The following ZC3H8 variants were observed in gnomAD, a reference collection of about 807,000 sequenced individuals.
ZC3H8 encodes the protein zinc finger CCCH-type containing 8.
ZC3H8 carries 27 observed loss-of-function variants against 42.5 expected under a neutral mutation model. That is an observed-to-expected ratio of 0.64 (90% CI 0.47 to 0.88). ZC3H8 has a LOEUF of 0.88. Among genes scored for constraint, ZC3H8 ranks in the 40% least tolerant of loss-of-function variants. ZC3H8 has a pLI of 0.00. For missense variants in ZC3H8, 277 were observed against 336.1 expected (o/e 0.82, Z 1.37); for synonymous variants, 101 against 110.1 (o/e 0.92, Z 0.52).
At chr2:112,218,515 A>C (rs961830436) in intron 8 of ZC3H8, among the ~76,000 whole-genome samples, 1 of 152,246 alleles carries the variant, frequency 6.6e-6, no homozygotes, top group Non-Finnish European at 1.5e-5. Context: ...AACAATGAAC[A>C]GTCTAAAAAG....
At position 112,236,700 on chromosome 2, in the gene ZC3H8, A is replaced by G; in HGVS notation, c.371-5T>C. On this transcript the variant is annotated splice_region_variant and splice_polypyrimidine_tract_variant and intron_variant, in intron 3 of 8. Coordinates refer to ENST00000409573, the MANE Select transcript of ZC3H8 (RefSeq NM_032494.3). ...TTTTATTTTTTTGTTTAGCAGCTAA[A>G]AACAAAAAATTAATTTAAAAAATGA... The G allele has an allele frequency of 6.3e-7, 1 of 1,599,158 alleles. No individual in the cohort carries two copies. Among genetic ancestry groups the G allele is most frequent in the Admixed American group, 1.8e-5 (1 of 57,044 alleles).
intron 2 of ZC3H8, among the ~76,000 whole-genome samples, chr2:112,248,169 TACA>T (rs1685820764): frequency 6.6e-6 from 1 of 151,964 alleles, no homozygotes; most frequent in African/African-American, 2.4e-5. Context: ...CTGCTAAAAA[TACA>T]ACAATTAGCC....
chr2:112,221,157 T>C (rs1684567107), intron 8 of ZC3H8, among the ~76,000 whole-genome samples: 1 of 152,240 alleles, frequency 6.6e-6, no homozygotes, highest in Non-Finnish European at 1.5e-5. Flanking sequence ...CAGTCTTTGA[T>C]ATGGTTTGAA....
In ZC3H8 at chr2:112,250,282, A is replaced by T. The variant is rs1685902122; in HGVS notation, c.75-10T>A. 2 of 1,538,852 alleles carry T rather than the reference A, an allele frequency of 1.3e-6. No homozygotes were observed. Among genetic ancestry groups the T allele is most frequent in the Non-Finnish European group, 1.8e-6 (2 of 1,140,018 alleles). On this transcript the variant is annotated splice_polypyrimidine_tract_variant and intron_variant, in intron 1 of 8. Coordinates refer to ENST00000409573, the MANE Select transcript of ZC3H8 (RefSeq NM_032494.3). ...TATTTCATCATCGATTCTGTAGCAA[A>T]AATATCAAATAACACAAAAGAGTTT...
intron 8 of ZC3H8, among the ~76,000 whole-genome samples, chr2:112,228,145 T>C (rs915440657): frequency 1.3e-5 from 2 of 152,194 alleles, no homozygotes; most frequent in Admixed American, 6.5e-5. Context: ...CATACATTTA[T>C]AGTCAGCTGA....
At chr2:112,247,960 T>C (rs981570630) in intron 2 of ZC3H8, among the ~76,000 whole-genome samples, 3 of 152,250 alleles carry the variant, frequency 2.0e-5, no homozygotes, top group South Asian at 2.1e-4. Flanking sequence ...AGTTGCTTAC[T>C]TGGGTAGCTG....
At chr2:112,246,208 C>T (rs1040957516) in intron 2 of ZC3H8, among the ~76,000 whole-genome samples, 4 of 152,222 alleles carry the variant, frequency 2.6e-5, no homozygotes, top group African/African-American at 9.7e-5. Context: ...ATTGACAATG[C>T]ACCCAGTCAC....
rs1415598063 is a variant in ZC3H8 at position 112,234,177 on chromosome 2, T to C, written c.564A>G (p.Thr188=). 6.2e-7 allele frequency: 1 copy of C among 1,610,558 alleles called. No individual in the cohort carries two copies. The change falls in exon 5 of 9, where the codon ACA becomes ACG. Residue 188 remains threonine, a synonymous_variant. Transcript: ENST00000409573. ...HLSQAFINQH[T]VERKGKQICK... ...AAATTTGTTTTCCCTTGCGTTCCAC[T>C]GTATGTTGGTTGATGAATGCCTGAC...
At chr2:112,229,141 T>C (rs1362803561) in intron 8 of ZC3H8, among the ~76,000 whole-genome samples, 1 of 152,146 alleles carries the variant, frequency 6.6e-6, no homozygotes. Context: ...AGATCTTCAC[T>C]TGATGGAAAC....
At chr2:112,218,198 T>C (rs1684413048) in intron 8 of ZC3H8, among the ~76,000 whole-genome samples, 1 of 152,220 alleles carries the variant, frequency 6.6e-6, no homozygotes, top group African/African-American at 2.4e-5. Context: ...GGCATAATAT[T>C]GAAAAGACTG....
At chr2:112,219,074 G>GT (rs1025837018) in intron 8 of ZC3H8, among the ~76,000 whole-genome samples, 2 of 152,102 alleles carry the variant, frequency 1.3e-5, no homozygotes, top group Admixed American at 6.5e-5. Context: ...TCAAATTGAT[G>GT]TTTTTTTCCA....
intron 3 of ZC3H8, among the ~76,000 whole-genome samples, chr2:112,237,452 G>A (rs925023391): frequency 5.9e-5 from 9 of 152,020 alleles, no homozygotes; most frequent in Non-Finnish European, 1.2e-4. Context: ...ATCCGTGCAC[G>A]CATTTATCCA....
intron 4 of ZC3H8, among the ~76,000 whole-genome samples, chr2:112,234,947 C>T (rs1270734393): frequency 6.6e-6 from 1 of 152,056 alleles, no homozygotes; most frequent in Non-Finnish European, 1.5e-5. Context: ...CAATGAGATG[C>T]TCACTGGGTG....
At chr2:112,241,150 A>G (rs1423205237) in intron 2 of ZC3H8, among the ~76,000 whole-genome samples, 1 of 152,084 alleles carries the variant, frequency 6.6e-6, no homozygotes, top group Non-Finnish European at 1.5e-5. Context: ...TATAAATGAG[A>G]ATGAATTAAA....
intron 2 of ZC3H8, among the ~76,000 whole-genome samples, chr2:112,242,219 T>G (rs1685609574): frequency 6.6e-6 from 1 of 152,216 alleles, no homozygotes; most frequent in South Asian, 2.1e-4. Flanking sequence ...CCACCTGTGT[T>G]TGTAAGCACC....
intron 1 of ZC3H8, among the ~76,000 whole-genome samples, chr2:112,250,581 C>T (rs180855698): frequency 0.016 from 2,452 of 152,306 alleles, 29 homozygotes; most frequent in Non-Finnish European, 0.025. Flanking sequence ...CCACCATGTA[C>T]GAGGCTCCGG....
chr2:112,230,338 T>A (rs558682643), intron 8 of ZC3H8, among the ~76,000 whole-genome samples: 12 of 152,348 alleles, frequency 7.9e-5, no homozygotes, highest in African/African-American at 2.9e-4. Flanking sequence ...GATATGATTC[T>A]ACTCCTTGGC....
At position 112,244,657 on chromosome 2, in the gene ZC3H8, CTG is replaced by C. The variant is rs973968425; in HGVS notation, c.156+5532_156+5533del. 7.9e-5 allele frequency among the ~76,000 whole-genome samples: 12 copies of C among 152,302 alleles called. No individual in the cohort carries two copies. The East Asian group carries it at 1.7e-3, about 22-fold the overall frequency. On this transcript the variant is annotated intron_variant, in intron 2 of 8. Transcript: ENST00000409573. ...AAAAGCATGTGTTCACTCTGTGTCT[CTG>C]TGTCACATTTTGGTAATTCTCGCAA...
At chr2:112,235,936 T>TAA (rs11370016) in intron 4 of ZC3H8, among the ~76,000 whole-genome samples, 3,440 of 122,540 alleles carry the variant, frequency 0.028, 150 homozygotes, top group African/African-American at 0.088. Context: ...AGTATAACAC[T>TAA]AAAAAAAAAA....
Sources: gnomAD v4.1 joint callset for allele counts (sites outside exome capture counted in the v4.1 genomes callset) on GRCh38, gnomAD v4.1.1 for gene constraint, MANE v1.5 for transcripts, NCBI Gene and HGNC (gene_info 2026-07-23, HGNC 2026-07-21) for gene names.